Variants in MARCHF3 observed in about 807,000 individuals in gnomAD.
MARCHF3 encodes E3 ubiquitin-protein ligase MARCHF3.
In MARCHF3, 13 loss-of-function variants were observed where a neutral mutation model predicts 24.2. That is an observed-to-expected ratio of 0.54 (90% CI 0.35 to 0.85). The LOEUF is 0.85. Ranked by LOEUF, MARCHF3 falls within the 40% of genes least tolerant of loss-of-function variation. The pLI, the probability that MARCHF3 is intolerant of heterozygous loss-of-function variation, is 0.01. For missense variants in MARCHF3, 276 were observed against 325.0 expected (o/e 0.85, Z 1.16); for synonymous variants, 144 against 137.3 (o/e 1.05, Z -0.34).
chr5:127,015,376 G>C (rs1380370906), intron 1 of MARCHF3, among the ~76,000 whole-genome samples: 4 of 152,170 alleles, frequency 2.6e-5, no homozygotes, highest in Non-Finnish European at 4.4e-5. Flanking sequence ...GATGAGCAGG[G>C]AGGAGGGGAA....
chr5:126,970,736 A>G (rs1041687425), intron 1 of MARCHF3, among the ~76,000 whole-genome samples: 1 of 152,216 alleles, frequency 6.6e-6, no homozygotes, highest in Admixed American at 6.5e-5. Context: ...AAAGGTCCAG[A>G]GCAATCCGCA....
At chr5:127,000,681 CTTTTAT>C (rs1188406096) in intron 1 of MARCHF3, among the ~76,000 whole-genome samples, 2 of 152,080 alleles carry the variant, frequency 1.3e-5, no homozygotes, top group African/African-American at 4.8e-5. Flanking sequence ...TGAGTTTGCC[CTTTTAT>C]TTTTATTTTT....
chr5:126,918,609 T>C (rs888870541), intron 1 of MARCHF3, among the ~76,000 whole-genome samples: 1 of 152,254 alleles, frequency 6.6e-6, no homozygotes, highest in African/African-American at 2.4e-5. Flanking sequence ...AAATCATTAT[T>C]AAAAACATTC....
chr5:126,992,484 T>G (rs1331545570), intron 1 of MARCHF3, among the ~76,000 whole-genome samples: 1 of 152,162 alleles, frequency 6.6e-6, no homozygotes, highest in African/African-American at 2.4e-5. Flanking sequence ...CTCATCTCCT[T>G]TCTATTTTGT....
In MARCHF3 at chr5:126,970,174, G is replaced by A. The variant is rs576126733; in HGVS notation, c.-56-51947C>T. 2.0e-5 allele frequency among the ~76,000 whole-genome samples: 3 copies of A among 151,658 alleles called. No individual in the cohort carries two copies. The South Asian group carries it at 6.2e-4, about 32-fold the overall frequency. Reference sequence around the variant, plus strand: ...GCAATATGAGCTCACTGCTTCCTCTGCCTCCCGGGTTCAAATGATTATCCT... The same window carrying A: ...GCAATATGAGCTCACTGCTTCCTCTACCTCCCGGGTTCAAATGATTATCCT... On this transcript the variant is annotated intron_variant, in intron 1 of 4. Coordinates refer to ENST00000308660, the MANE Select transcript of MARCHF3 (RefSeq NM_178450.5).
intron 3 of MARCHF3, among the ~76,000 whole-genome samples, chr5:126,900,858 C>A (rs370700269): frequency 2.0e-5 from 3 of 151,912 alleles, no homozygotes; most frequent in South Asian, 4.2e-4. Context: ...CCTGCCACCA[C>A]GCCCAGCTAA....
At chr5:126,970,738 C>T (rs1750981465) in intron 1 of MARCHF3, among the ~76,000 whole-genome samples, 1 of 152,196 alleles carries the variant, frequency 6.6e-6, no homozygotes, top group South Asian at 2.1e-4. Context: ...AGGTCCAGAG[C>T]AATCCGCATG....
At chr5:126,912,267 A>C (rs998631068) in intron 3 of MARCHF3, among the ~76,000 whole-genome samples, 2 of 152,254 alleles carry the variant, frequency 1.3e-5, no homozygotes, top group Non-Finnish European at 2.9e-5. Flanking sequence ...GTTATGCAGA[A>C]CGAAGGACTG....
In MARCHF3 at chr5:126,960,551, CTT is replaced by C. The variant is rs71854246; in HGVS notation, c.-56-42326_-56-42325del. On this transcript the variant is annotated intron_variant, in intron 1 of 4. Transcript: ENST00000308660. The stretch of plus-strand genomic sequence containing the variant: ...AACTTTTCTTTTTAATTTTTTAACA[CTT>C]ATTAATATTTTCCCATGTGAACATT... Among the ~76,000 whole-genome samples, 1,278 of 151,236 alleles carry C rather than the reference CTT, an allele frequency of 8.5e-3. 18 individuals carry two copies. The highest frequency in any genetic ancestry group is 0.025 in the East Asian group (131 of 5,146).
chr5:126,880,470 A>G (rs1753307441), intron 3 of MARCHF3, among the ~76,000 whole-genome samples: 1 of 152,234 alleles, frequency 6.6e-6, no homozygotes, highest in Non-Finnish European at 1.5e-5. Context: ...CAGACATCTC[A>G]GCAGCTTCAA....
chr5:126,920,297 T>C (rs1027090159), intron 1 of MARCHF3, among the ~76,000 whole-genome samples: 1 of 152,128 alleles, frequency 6.6e-6, no homozygotes, highest in African/African-American at 2.4e-5. Context: ...AAAGAGATGT[T>C]AAAAGACCGT....
chr5:126,963,491 T>C (rs1750710893), intron 1 of MARCHF3, among the ~76,000 whole-genome samples: 1 of 152,146 alleles, frequency 6.6e-6, no homozygotes, highest in East Asian at 1.9e-4. Context: ...AAATGCTACA[T>C]TTAAGAAGAA....
At chr5:127,027,957 A>C (rs1348110623) in intron 1 of MARCHF3, among the ~76,000 whole-genome samples, 1 of 152,232 alleles carries the variant, frequency 6.6e-6, no homozygotes, top group African/African-American at 2.4e-5. Context: ...AGTCCTGCCC[A>C]AGAACTGAAT....
intron 4 of MARCHF3, among the ~76,000 whole-genome samples, chr5:126,877,433 C>T (rs1224577090): frequency 6.6e-6 from 1 of 152,152 alleles, no homozygotes; most frequent in Non-Finnish European, 1.5e-5. Context: ...CCTGCAGCTC[C>T]CAGAGGAAAG....
At chr5:126,909,525 C>T (rs998739527) in intron 3 of MARCHF3, among the ~76,000 whole-genome samples, 8 of 152,354 alleles carry the variant, frequency 5.3e-5, no homozygotes, top group African/African-American at 7.2e-5. Context: ...TCTCCTGGTG[C>T]GCTGTTTTTT....
At chr5:126,994,750 A>AG (rs112717896) in intron 1 of MARCHF3, among the ~76,000 whole-genome samples, 7,842 of 152,306 alleles carry the variant, frequency 0.051, 372 homozygotes, top group South Asian at 0.14. Context: ...CACAAGGTGA[A>AG]GTCCCATGAT....
At chr5:126,896,704 T>C (rs1753932907) in intron 3 of MARCHF3, among the ~76,000 whole-genome samples, 2 of 152,120 alleles carry the variant, frequency 1.3e-5, no homozygotes, top group African/African-American at 4.8e-5. Context: ...AGAGGGAATA[T>C]GCAGTGAAGT....
At position 126,906,900 on chromosome 5, in the gene MARCHF3, T is replaced by A. The variant is rs1175733778; in HGVS notation, c.393+8030A>T. 3.3e-5 allele frequency among the ~76,000 whole-genome samples: 5 copies of A among 152,258 alleles called. No homozygotes were observed. The East Asian group carries it at 9.6e-4, about 29-fold the overall frequency. The stretch of plus-strand genomic sequence containing the variant: ...GCTCTTGCATTTCTAGTTCTTTTAA[T>A]TGTGATGTTAGGGTGTCAATTTTGG... On this transcript the variant is annotated intron_variant, in intron 3 of 4. Transcript: ENST00000308660.
intron 3 of MARCHF3, among the ~76,000 whole-genome samples, chr5:126,903,148 T>G (rs1754162500): frequency 6.6e-6 from 1 of 151,930 alleles, no homozygotes; most frequent in South Asian, 2.1e-4. Context: ...GAGGTGTTGG[T>G]AGAAAGAAAT....
Sources: allele counts gnomAD v4.1 joint callset (sites outside exome capture counted in the v4.1 genomes callset), GRCh38; gene constraint gnomAD v4.1.1; transcripts MANE v1.5; gene names NCBI Gene and HGNC (gene_info 2026-07-23, HGNC 2026-07-21).